Variants in TBC1D22A observed in about 807,000 individuals in gnomAD.
TBC1D22A encodes putative GTPase activator.
Under a neutral mutation model 60.2 loss-of-function variants are expected in TBC1D22A, and 38 were observed. The observed-to-expected ratio is 0.63, with a 90% confidence interval of 0.49 to 0.83. The LOEUF (loss-of-function observed/expected upper bound fraction) is 0.83, where lower values mean the gene tolerates loss of function less well. Ranked by LOEUF, TBC1D22A falls within the 40% of genes least tolerant of loss-of-function variation. The pLI, the probability that TBC1D22A is intolerant of heterozygous loss-of-function variation, is 0.00. For synonymous variants in TBC1D22A, 302 were observed against 281.7 expected (o/e 1.07, Z -0.72); for missense variants, 628 against 701.0 (o/e 0.90, Z 1.18).
At chr22:46,894,653 G>A (rs1441589741) in intron 6 of TBC1D22A, 131 bp from the exon 7 acceptor site, 3 of 1,075,722 alleles carry the variant, frequency 2.8e-6, no homozygotes, top group African/African-American at 3.1e-5. Flanking sequence ...CATGGAGAAC[G>A]AGAATCCTCA....
chr22:46,802,711 C>T (rs992695629), intron 4 of TBC1D22A, among the ~76,000 whole-genome samples: 2 of 152,106 alleles, frequency 1.3e-5, no homozygotes, highest in Admixed American at 6.5e-5. Context: ...AAGGAAGAGC[C>T]GATGACTGCT....
intron 4 of TBC1D22A, among the ~76,000 whole-genome samples, chr22:46,818,820 T>C (rs1165127055): frequency 1.3e-5 from 2 of 152,242 alleles, no homozygotes; most frequent in African/African-American, 4.8e-5. Flanking sequence ...GTAAAGTACT[T>C]TGGGCAGTAT....
At chr22:46,981,402 C>T (rs1369073219) in intron 9 of TBC1D22A, among the ~76,000 whole-genome samples, 2 of 151,994 alleles carry the variant, frequency 1.3e-5, no homozygotes, top group African/African-American at 4.8e-5. Context: ...TACCAGCTTT[C>T]CTGCCTCTCA....
chr22:46,960,852 C>G (rs963367785), intron 8 of TBC1D22A, among the ~76,000 whole-genome samples: 3 of 149,148 alleles, frequency 2.0e-5, no homozygotes, highest in African/African-American at 7.4e-5. Flanking sequence ...GAGGCTGAGG[C>G]AGGAGAATGG....
At chr22:46,798,306 G>A (rs73477352) in intron 4 of TBC1D22A, among the ~76,000 whole-genome samples, 2 of 152,254 alleles carry the variant, frequency 1.3e-5, no homozygotes, top group Admixed American at 6.5e-5. Context: ...GGGGCACAGC[G>A]CTGGTGACCA....
intron 12 of TBC1D22A, among the ~76,000 whole-genome samples, chr22:47,140,922 C>T (rs566390471): frequency 1.9e-4 from 29 of 152,350 alleles, no homozygotes; most frequent in South Asian, 1.7e-3. Flanking sequence ...ATACAGACTC[C>T]GGAGCCCTGA....
Position 47,109,599 on chromosome 22 carries a change from A to T in TBC1D22A, c.1330-1909A>T, listed in dbSNP as rs116060924. On this transcript the variant is annotated intron_variant, in intron 11 of 12. Coordinates refer to ENST00000337137, the MANE Select transcript of TBC1D22A (RefSeq NM_014346.5). ...CCACCAGGATCCCCAAGTGTCTTAA[A>T]CTTGGCAGTTCCAAAGAATAACTCA... Among the ~76,000 whole-genome samples the T allele has an allele frequency of 8.0e-3, 1,210 of 152,146 alleles. 20 individuals carry two copies. Among genetic ancestry groups the T allele is most frequent in the African/African-American group, 0.028 (1,151 of 41,502 alleles).
intron 9 of TBC1D22A, 47 bp from the exon 10 acceptor site, chr22:46,997,587 T>C: frequency 1.3e-6 from 2 of 1,506,378 alleles, no homozygotes; most frequent in Non-Finnish European, 1.8e-6. Flanking sequence ...TTGGAAAGTT[T>C]GTTTTATTTT....
chr22:47,066,753 C>T (rs924716632), intron 11 of TBC1D22A, among the ~76,000 whole-genome samples: 6 of 152,190 alleles, frequency 3.9e-5, no homozygotes, highest in African/African-American at 1.4e-4. Context: ...AACCCTAGGT[C>T]CCCCATGAAC....
rs373841923 is a variant in TBC1D22A, at chr22:47,173,385, C to T, written c.1426-113C>T. On this transcript the variant is annotated intron_variant, in intron 12 of 12. Coordinates refer to ENST00000337137, the MANE Select transcript of TBC1D22A (RefSeq NM_014346.5). ...TTTTCCTGGATCACCCGCCCTGCAC[C>T]GTGGGTCACCTCCTCTGACCTGGGC... 16 of 1,422,536 alleles carry T rather than the reference C, an allele frequency of 1.1e-5. 1 individual carries two copies. The highest frequency in any genetic ancestry group is 1.8e-4 in the Middle Eastern group (1 of 5,430). 88.1% of individuals were successfully genotyped at this position (1,422,536 alleles called of 1,614,324 possible).
chr22:46,850,732 A>C (rs1048713366), intron 4 of TBC1D22A, among the ~76,000 whole-genome samples: 4 of 152,222 alleles, frequency 2.6e-5, no homozygotes, highest in Non-Finnish European at 4.4e-5. Flanking sequence ...ATGTCCACAT[A>C]CAGACTTGTA....
At chr22:46,878,763 T>C in intron 5 of TBC1D22A, 40 bp downstream of exon 5, 6 of 1,599,616 alleles carry the variant, frequency 3.8e-6, no homozygotes, top group Non-Finnish European at 5.1e-6. Flanking sequence ...CTCCTTCCTG[T>C]GCACAGGGAC....
intron 10 of TBC1D22A, among the ~76,000 whole-genome samples, chr22:47,012,810 C>A (rs1465541990): frequency 6.6e-6 from 1 of 152,172 alleles, no homozygotes. Flanking sequence ...CTCATGACCG[C>A]GGAGGACATT....
chr22:47,081,623 A>G, intron 11 of TBC1D22A, among the ~76,000 whole-genome samples: 1 of 152,252 alleles, frequency 6.6e-6, no homozygotes, highest in Non-Finnish European at 1.5e-5. Context: ...TACAAGGTTA[A>G]TACAGAAAAA....
chr22:46,794,369 C>T (rs993821769), intron 3 of TBC1D22A, among the ~76,000 whole-genome samples: 8 of 152,220 alleles, frequency 5.3e-5, no homozygotes, highest in South Asian at 2.1e-4. Context: ...GGGTCGGCCA[C>T]GTTTGCACTC....
At chr22:46,864,857 G>T (rs1009383312) in intron 4 of TBC1D22A, among the ~76,000 whole-genome samples, 1 of 152,182 alleles carries the variant, frequency 6.6e-6, no homozygotes. Context: ...TTCATCCTGT[G>T]TGTTGAGTGC....
intron 4 of TBC1D22A, among the ~76,000 whole-genome samples, chr22:46,839,127 T>C (rs1469913232): frequency 6.6e-6 from 1 of 152,196 alleles, no homozygotes; most frequent in Non-Finnish European, 1.5e-5. Flanking sequence ...CTGTTGGAAC[T>C]AATATACAAA....
chr22:47,022,678 A>C (rs1435500708), intron 10 of TBC1D22A, among the ~76,000 whole-genome samples: 1 of 152,238 alleles, frequency 6.6e-6, no homozygotes, highest in East Asian at 1.9e-4. Flanking sequence ...TGAAATGATG[A>C]CAGAGAACAA....
intron 8 of TBC1D22A, among the ~76,000 whole-genome samples, chr22:46,962,701 A>C (rs953891474): frequency 6.6e-6 from 1 of 152,230 alleles, no homozygotes; most frequent in Non-Finnish European, 1.5e-5. Flanking sequence ...AGCATGTTAT[A>C]AAATGGGAGA....
Sources: gnomAD v4.1 joint callset for allele counts (sites outside exome capture counted in the v4.1 genomes callset) on GRCh38, gnomAD v4.1.1 for gene constraint, MANE v1.5 for transcripts, NCBI Gene and HGNC (gene_info 2026-07-23, HGNC 2026-07-21) for gene names.